Variants in NCKAP5 observed in about 807,000 individuals in gnomAD.
NCKAP5 encodes the protein NCK associated protein 5, also known as nck-associated protein 5.
A neutral mutation model predicts 167.0 loss-of-function variants in NCKAP5; 92 were observed. The ratio of observed to expected loss-of-function variants is 0.55; its 90% CI spans 0.47 to 0.66. The LOEUF (loss-of-function observed/expected upper bound fraction) is 0.66, where lower values mean the gene tolerates loss of function less well. Ranked by LOEUF, NCKAP5 falls within the 30% of genes least tolerant of loss-of-function variation. The probability of loss-of-function intolerance (pLI) is 0.00; values close to 1 mark genes in which losing one functional copy is unlikely to be tolerated. For synonymous variants in NCKAP5, 891 were observed against 877.4 expected (o/e 1.02, Z -0.27); for missense variants, 2,378 against 2,315.0 (o/e 1.03, Z -0.56).
At chr2:133,244,252 T>C (rs569530253) in intron 4 of NCKAP5, among the ~76,000 whole-genome samples, 1 of 152,356 alleles carries the variant, frequency 6.6e-6, no homozygotes, top group East Asian at 1.9e-4. Context: ...TAGTTCATCA[T>C]CTTTATTGTC....
intron 8 of NCKAP5, among the ~76,000 whole-genome samples, chr2:132,939,800 G>A (rs1697152526): frequency 6.6e-6 from 1 of 152,112 alleles, no homozygotes; most frequent in Admixed American, 6.5e-5. Context: ...AGGAGTTCAA[G>A]ACCAGCCTGG....
intron 4 of NCKAP5, among the ~76,000 whole-genome samples, chr2:133,228,221 C>T (rs143693914): frequency 6.6e-6 from 1 of 152,240 alleles, no homozygotes; most frequent in East Asian, 1.9e-4. Context: ...TAGAGTCTAC[C>T]ACATGGGTCG....
At chr2:133,136,835 G>A (rs2082803716) in intron 5 of NCKAP5, among the ~76,000 whole-genome samples, 1 of 152,178 alleles carries the variant, frequency 6.6e-6, no homozygotes, top group Non-Finnish European at 1.5e-5. Context: ...CCAGTCACAG[G>A]TATCTCCACG....
intron 3 of NCKAP5, among the ~76,000 whole-genome samples, chr2:133,492,535 C>T (rs985700089): frequency 2.6e-5 from 4 of 152,218 alleles, no homozygotes; most frequent in Non-Finnish European, 4.4e-5. Context: ...GGATCTGGAA[C>T]GATCAGAAAT....
intron 19 of NCKAP5, among the ~76,000 whole-genome samples, chr2:132,714,520 C>A (rs1689166721): frequency 6.6e-6 from 1 of 152,064 alleles, no homozygotes; most frequent in Non-Finnish European, 1.5e-5. Flanking sequence ...TATCTAGGAT[C>A]AAAAAGTCAC....
At chr2:133,058,016 C>T (rs975651757) in intron 6 of NCKAP5, among the ~76,000 whole-genome samples, 27 of 152,196 alleles carry the variant, frequency 1.8e-4, no homozygotes, top group African/African-American at 5.3e-4. Context: ...GCTAAATCTA[C>T]TCTGCCTCTG....
chr2:133,667,308 A>C, the NCKAP5 span, among the ~76,000 whole-genome samples: 4 of 151,996 alleles, frequency 2.6e-5, no homozygotes, highest in African/African-American at 9.7e-5. Flanking sequence ...TGGAAACTCT[A>C]AACATCAACC....
intron 19 of NCKAP5, among the ~76,000 whole-genome samples, chr2:132,711,859 G>A (rs1688874539): frequency 6.6e-6 from 1 of 152,146 alleles, no homozygotes; most frequent in African/African-American, 2.4e-5. Context: ...CATTCCACTA[G>A]GGGGATGGTA....
chr2:132,729,984 T>C (rs940380957), intron 17 of NCKAP5, among the ~76,000 whole-genome samples: 2 of 152,154 alleles, frequency 1.3e-5, no homozygotes, highest in African/African-American at 2.4e-5. Flanking sequence ...CTCATTTTCT[T>C]TTTGTTCCAG....
intron 4 of NCKAP5, among the ~76,000 whole-genome samples, chr2:133,299,784 T>A (rs1189650472): frequency 2.0e-5 from 3 of 152,092 alleles, no homozygotes; most frequent in Admixed American, 2.0e-4. Flanking sequence ...TTTAGGGGCT[T>A]ACTGAGGGTG....
chr2:133,176,368 C>A, intron 5 of NCKAP5, among the ~76,000 whole-genome samples: 1 of 152,196 alleles, frequency 6.6e-6, no homozygotes, highest in East Asian at 1.9e-4. Context: ...TCTCCTTTTT[C>A]CCCTTTTGTT....
chr2:133,182,347 C>G (rs2150040876), intron 5 of NCKAP5, among the ~76,000 whole-genome samples: 1 of 152,072 alleles, frequency 6.6e-6, no homozygotes, highest in Middle Eastern at 3.4e-3. Context: ...TTCTGAGTGC[C>G]CAGGGAACAT....
chr2:133,559,757 G>A (rs546034564), intron 1 of NCKAP5, among the ~76,000 whole-genome samples: 42 of 152,292 alleles, frequency 2.8e-4, no homozygotes, highest in Admixed American at 1.7e-3. Context: ...GGTAAGAGCT[G>A]TAGTTATAAG....
At position 132,823,403 on chromosome 2, in the gene NCKAP5, C is replaced by T. The variant is rs944235048; in HGVS notation, c.808-26674G>A. ...GGGATTGGGGTCCAATCTTCAGCCT[C>T]CTGAAACAAAATAATTGTCAGCCAA... On this transcript the variant is annotated intron_variant, in intron 11 of 19. Coordinates refer to ENST00000409261, the MANE Select transcript of NCKAP5 (RefSeq NM_207363.3). 2.6e-5 allele frequency among the ~76,000 whole-genome samples: 4 copies of T among 152,088 alleles called. 1 individual carries two copies. Among genetic ancestry groups the T allele is most frequent in the African/African-American group, 9.7e-5 (4 of 41,404 alleles).
chr2:133,000,678 A>G (rs2077748110), intron 6 of NCKAP5, among the ~76,000 whole-genome samples: 1 of 152,034 alleles, frequency 6.6e-6, no homozygotes, highest in East Asian at 1.9e-4. Flanking sequence ...TTAAATCCTA[A>G]CCCTAGTCTC....
At chr2:133,641,692 T>G in the NCKAP5 span, among the ~76,000 whole-genome samples, 3 of 152,208 alleles carry the variant, frequency 2.0e-5, no homozygotes, top group African/African-American at 7.2e-5. Context: ...CTGTGGTTCA[T>G]CCAGTTTAAC....
At chr2:133,643,966 G>A in the NCKAP5 span, among the ~76,000 whole-genome samples, 1 of 152,116 alleles carries the variant, frequency 6.6e-6, no homozygotes, top group Non-Finnish European at 1.5e-5. Flanking sequence ...ACTCAACTCC[G>A]GCATTAGTTC....
At chr2:133,306,315 A>AT (rs1036175229) in intron 3 of NCKAP5, among the ~76,000 whole-genome samples, 1 of 152,226 alleles carries the variant, frequency 6.6e-6, no homozygotes, top group African/African-American at 2.4e-5. Flanking sequence ...GTCCAGAGAG[A>AT]TTTTTTCAGA....
chr2:133,668,165 C>T, the NCKAP5 span, among the ~76,000 whole-genome samples: 1 of 151,964 alleles, frequency 6.6e-6, no homozygotes, highest in African/African-American at 2.4e-5. Context: ...ACCACATTTC[C>T]TTTATCCATT....
Sources: allele counts gnomAD v4.1 joint callset (sites outside exome capture counted in the v4.1 genomes callset), GRCh38; gene constraint gnomAD v4.1.1; transcripts MANE v1.5; gene names NCBI Gene and HGNC (gene_info 2026-07-23, HGNC 2026-07-21).